The following SYT17 variants were observed in gnomAD, a reference collection of about 807,000 sequenced individuals.
The protein encoded by SYT17 is synaptotagmin 17.
Under a neutral mutation model 46.7 loss-of-function variants are expected in SYT17, and 22 were observed. The ratio of observed to expected loss-of-function variants is 0.47; its 90% CI spans 0.34 to 0.67. The LOEUF (loss-of-function observed/expected upper bound fraction) is 0.67, where lower values mean the gene tolerates loss of function less well. Among genes scored for constraint, SYT17 ranks in the 30% least tolerant of loss-of-function variants. The pLI is 0.01. For synonymous variants in SYT17, 251 were observed against 248.4 expected (o/e 1.01, Z -0.10); for missense variants, 519 against 612.8 (o/e 0.85, Z 1.62).
At chr16:19,234,900 C>T (rs2142925024) in intron 7 of SYT17, among the ~76,000 whole-genome samples, 1 of 152,348 alleles carries the variant, frequency 6.6e-6, no homozygotes, top group Non-Finnish European at 1.5e-5. Context: ...GCCCCAGCAT[C>T]TCCCTCACCT....
At chr16:19,184,819 A>AT (rs1168607272) in intron 5 of SYT17, among the ~76,000 whole-genome samples, 1 of 152,020 alleles carries the variant, frequency 6.6e-6, no homozygotes, top group Non-Finnish European at 1.5e-5. Context: ...TCAGAAATTG[A>AT]TTTTTTTGGG....
chr16:19,199,774 A>G (rs975402459), intron 5 of SYT17, among the ~76,000 whole-genome samples: 6 of 152,182 alleles, frequency 3.9e-5, no homozygotes, highest in Non-Finnish European at 8.8e-5. Flanking sequence ...GATGATATTG[A>G]TATCTATGAA....
intron 5 of SYT17, among the ~76,000 whole-genome samples, chr16:19,198,254 G>C (rs1965329339): frequency 6.6e-6 from 1 of 152,068 alleles, no homozygotes; most frequent in South Asian, 2.1e-4. Flanking sequence ...CCACAACACT[G>C]ATCTCAGTAG....
intron 7 of SYT17, among the ~76,000 whole-genome samples, chr16:19,254,240 T>G (rs1199747797): frequency 6.6e-6 from 1 of 152,194 alleles, no homozygotes; most frequent in African/African-American, 2.4e-5. Context: ...GGCTTCACCT[T>G]GCAGGGACAA....
At chr16:19,198,684 G>A (rs1965348819) in intron 5 of SYT17, among the ~76,000 whole-genome samples, 1 of 152,216 alleles carries the variant, frequency 6.6e-6, no homozygotes, top group Non-Finnish European at 1.5e-5. Flanking sequence ...CTGTCTCACT[G>A]AGGCTCAGCT....
chr16:19,190,767 C>CGTGT (rs1487307623), intron 5 of SYT17, among the ~76,000 whole-genome samples: 1 of 111,578 alleles, frequency 9.0e-6, no homozygotes, highest in African/African-American at 3.5e-5. Context: ...GAATAATATT[C>CGTGT]CTGTGTGTGT....
chr16:19,234,912 T>C (rs1419674455), intron 7 of SYT17, among the ~76,000 whole-genome samples: 1 of 152,242 alleles, frequency 6.6e-6, no homozygotes, highest in African/African-American at 2.4e-5. Context: ...CCCTCACCTG[T>C]TCACCATCAT....
At chr16:19,209,027 C>T in intron 5 of SYT17, among the ~76,000 whole-genome samples, 1 of 151,602 alleles carries the variant, frequency 6.6e-6, no homozygotes, top group East Asian at 1.9e-4. Context: ...ACCACCACAC[C>T]TGCCTAATTT....
chr16:19,169,162 C>A (rs777645878), intron 1 of SYT17, among the ~76,000 whole-genome samples: 3 of 152,084 alleles, frequency 2.0e-5, no homozygotes, highest in African/African-American at 7.2e-5. Flanking sequence ...GGGGGACACC[C>A]AGAGGCCAGA....
chr16:19,222,037 A>G (rs1966337202), intron 5 of SYT17, among the ~76,000 whole-genome samples: 1 of 152,190 alleles, frequency 6.6e-6, no homozygotes, highest in South Asian at 2.1e-4. Flanking sequence ...GGTTTTGAAT[A>G]TGACTGGAAA....
At chr16:19,207,086 GCCTTC>G (rs1049270720) in intron 5 of SYT17, among the ~76,000 whole-genome samples, 3 of 152,076 alleles carry the variant, frequency 2.0e-5, no homozygotes, top group Non-Finnish European at 4.4e-5. Flanking sequence ...AGAGCCTCGT[GCCTTC>G]CCCATCTCTC....
At chr16:19,197,991 T>A (rs1402183530) in intron 5 of SYT17, among the ~76,000 whole-genome samples, 1 of 152,236 alleles carries the variant, frequency 6.6e-6, no homozygotes, top group African/African-American at 2.4e-5. Flanking sequence ...GCTTCAAGTC[T>A]TGGCTTTGCC....
chr16:19,241,386 C>T (rs911933659), intron 7 of SYT17, among the ~76,000 whole-genome samples: 4 of 151,896 alleles, frequency 2.6e-5, no homozygotes, highest in Non-Finnish European at 5.9e-5. Flanking sequence ...TGCATAGATG[C>T]CTGGGTCTGC....
Position 19,266,919 on chromosome 16 carries a change from G to A in SYT17, c.1268G>A (p.Gly423Glu). The A allele has an allele frequency of 6.2e-7, 1 of 1,613,442 alleles. No individual in the cohort carries two copies. The change falls in exon 8 of 8, where the codon GGG (glycine) becomes GAG (glutamate). Residue 423 changes from glycine (G) to glutamate (E), a missense_variant. Transcript: ENST00000355377. ...ATGAAGAGCAGCAATGACTTCATCG[G>A]GAGGATCGTCATTGGCCAGTACTCT... ...HNMKSSNDFI[G>E]RIVIGQYSSG...
chr16:19,250,770 A>G (rs1408708027), intron 7 of SYT17, among the ~76,000 whole-genome samples: 1 of 152,122 alleles, frequency 6.6e-6, no homozygotes, highest in Non-Finnish European at 1.5e-5. Context: ...ACATACAGAA[A>G]GGTGCATCAA....
At chr16:19,232,310 A>G (rs1892900537) in intron 7 of SYT17, among the ~76,000 whole-genome samples, 1 of 152,216 alleles carries the variant, frequency 6.6e-6, no homozygotes, top group Admixed American at 6.5e-5. Flanking sequence ...AGACTAGAGA[A>G]TATGGCGTCT....
Position 19,168,697 on chromosome 16 carries a change from G to T in SYT17, c.15+36G>T. ...GGCTGGGGGCAAGGTCCGGGGTGCG[G>T]GTAGGGGGTGCCGCGCCCCCTCCGG... On this transcript the variant is annotated intron_variant, in intron 1 of 7. Transcript: ENST00000355377. This position sits in a 1 kb window ranked among gnomAD's most constrained non-coding sequence, Gnocchi z 6.9. The T allele has an allele frequency of 6.8e-7, 1 of 1,460,170 alleles. No individual in the cohort carries two copies. The highest frequency in any genetic ancestry group is 9.1e-7 in the Non-Finnish European group (1 of 1,102,148). 90.5% of individuals were successfully genotyped at this position (1,460,170 alleles called of 1,614,324 possible).
At chr16:19,177,803 A>G (rs1964372821) in intron 3 of SYT17, among the ~76,000 whole-genome samples, 1 of 152,236 alleles carries the variant, frequency 6.6e-6, no homozygotes, top group Non-Finnish European at 1.5e-5. Context: ...AATGCCAGAA[A>G]GACCCTCATT....
intron 6 of SYT17, among the ~76,000 whole-genome samples, chr16:19,223,417 T>C (rs1004277954): frequency 7.9e-5 from 12 of 152,168 alleles, no homozygotes; most frequent in Admixed American, 1.3e-4. Context: ...ATTCCTGCAA[T>C]GTAGACGCCA....
Sources: allele counts gnomAD v4.1 joint callset (sites outside exome capture counted in the v4.1 genomes callset), GRCh38; gene constraint gnomAD v4.1.1; non-coding constraint Gnocchi (gnomAD v3.1); transcripts MANE v1.5; gene names NCBI Gene and HGNC (gene_info 2026-07-23, HGNC 2026-07-21).